OTOA: variants seen among roughly 807,000 people sequenced by gnomAD.
The protein encoded by OTOA is cancer/testis antigen 108.
In OTOA, 70 loss-of-function variants were observed where a neutral mutation model predicts 110.8. That is an observed-to-expected ratio of 0.63 (90% CI 0.52 to 0.77). The LOEUF is 0.77. Among genes scored for constraint, OTOA ranks in the 30% least tolerant of loss-of-function variants. OTOA has a pLI of 0.00. For missense variants in OTOA, 917 were observed against 1,075.8 expected, an observed-to-expected ratio of 0.85 and a Z score of 2.06; for synonymous variants, 373 against 431.5, an observed-to-expected ratio of 0.86 and a Z score of 1.68.
intron 20 of OTOA, chr16:21,730,557 T>C (rs1158767342): frequency 5.1e-6 from 2 of 394,812 alleles, no homozygotes; most frequent in African/African-American, 4.1e-5. Context: ...GTCTTTACTT[T>C]TTCCACTTGG....
chr16:21,699,055 A>T (rs192212493), intron 10 of OTOA, among the ~76,000 whole-genome samples: 3 of 152,196 alleles, frequency 2.0e-5, no homozygotes, highest in African/African-American at 7.2e-5. Context: ...GATTCAATTG[A>T]TTCTCCTGCC....
intron 22 of OTOA, among the ~76,000 whole-genome samples, chr16:21,739,013 TGC>T (rs1163335465): frequency 1.8e-4 from 28 of 152,396 alleles, no homozygotes; most frequent in Admixed American, 1.8e-3. Context: ...TCTTACTGTG[TGC>T]ATGTGGTACA....
chr16:21,707,653 CTT>C (rs1232278216), intron 12 of OTOA, among the ~76,000 whole-genome samples: 209 of 109,054 alleles, frequency 1.9e-3, no homozygotes, highest in Middle Eastern at 5.3e-3. Flanking sequence ...TTCTTTCTTT[CTT>C]TCTCTTTCTT....
At chr16:21,670,743 G>A (rs1444745933) in intron 1 of OTOA, among the ~76,000 whole-genome samples, 4 of 152,188 alleles carry the variant, frequency 2.6e-5, no homozygotes, top group Non-Finnish European at 2.9e-5. Flanking sequence ...TTATAGCTGT[G>A]CTTGGTGCTA....
intron 19 of OTOA, among the ~76,000 whole-genome samples, chr16:21,727,392 G>T (rs955119886): frequency 1.3e-5 from 2 of 152,134 alleles, no homozygotes; most frequent in African/African-American, 4.8e-5. Flanking sequence ...GATTGTCTGG[G>T]TGTGAATCCT....
chr16:21,705,824 A>G (rs1203929744), intron 12 of OTOA, among the ~76,000 whole-genome samples: 1 of 152,102 alleles, frequency 6.6e-6, no homozygotes, highest in Non-Finnish European at 1.5e-5. Context: ...CTGTAATCCC[A>G]GCTACTCAGG....
At chr16:21,673,781 TTTTG>T (rs530750642) in intron 1 of OTOA, among the ~76,000 whole-genome samples, 36 of 152,140 alleles carry the variant, frequency 2.4e-4, no homozygotes, top group East Asian at 1.5e-3. Flanking sequence ...TGTGTACAGG[TTTTG>T]TTTGTTTGTT....
At chr16:21,704,970 C>A in intron 11 of OTOA, 199 bp from the exon 12 acceptor site, 1 of 855,906 alleles carries the variant, frequency 1.2e-6, no homozygotes, top group Non-Finnish European at 2.0e-6. Context: ...AGCCCCCATT[C>A]CTTGGTCTCG....
intron 13 of OTOA, among the ~76,000 whole-genome samples, 173 bp from the exon 14 acceptor site, chr16:21,714,812 C>T (rs897928347): frequency 2.0e-5 from 3 of 152,112 alleles, no homozygotes; most frequent in African/African-American, 7.2e-5. Context: ...GCCTGGCCAA[C>T]TCTCTTTCTT....
Position 21,687,433 on chromosome 16 carries a change from C to T in OTOA, c.420C>T (p.Ile140=), listed in dbSNP as rs1567367875. ...TTTAGGACCTGAAAGACATCATCAT[C>T]GACTTAGGAGAGATTCGAGAACGAG... ...KDGLDLKDII[I]DLGEIRERAL... is the part of the protein sequence containing the mutation. The change falls in exon 8 of 29, where the codon ATC becomes ATT. Residue 140 remains isoleucine, a synonymous_variant. Transcript: ENST00000646100. 2.5e-6 allele frequency: 4 copies of T among 1,613,924 alleles called. No individual in the cohort carries two copies. The highest frequency in any genetic ancestry group is 2.2e-5 in the East Asian group (1 of 44,886).
chr16:21,706,657 G>A (rs1316539612), intron 12 of OTOA, among the ~76,000 whole-genome samples: 2 of 151,696 alleles, frequency 1.3e-5, no homozygotes, highest in African/African-American at 2.4e-5. Flanking sequence ...CACTTTTTGT[G>A]GCCCTTTTCA....
At chr16:21,759,685 G>C (rs1597874445) in intron 28 of OTOA, among the ~76,000 whole-genome samples, 1 of 152,034 alleles carries the variant, frequency 6.6e-6, no homozygotes, top group South Asian at 2.1e-4. Context: ...TGGATCACTT[G>C]GGGTTAGAAA....
chr16:21,734,769 A>G (rs552643824), intron 21 of OTOA, among the ~76,000 whole-genome samples: 2,473 of 152,116 alleles, frequency 0.016, 34 homozygotes, highest in Admixed American at 0.028. Flanking sequence ...CCCAGGGGGC[A>G]GAGCTTGCAG....
At chr16:21,726,192 A>G (rs1898909894) in intron 18 of OTOA, among the ~76,000 whole-genome samples, 1 of 152,154 alleles carries the variant, frequency 6.6e-6, no homozygotes, top group African/African-American at 2.4e-5. Flanking sequence ...GCTCTGGGGC[A>G]TAGAAGAGGA....
At chr16:21,760,414 A>G in intron 28 of OTOA, 56 bp from the exon 29 acceptor site, 3 of 1,318,338 alleles carry the variant, frequency 2.3e-6, no homozygotes, top group Non-Finnish European at 3.2e-6. Flanking sequence ...TCATGTGTCT[A>G]CCTTCTGCTT....
In OTOA at chr16:21,665,984, A is replaced by G. The variant is rs79556132; in HGVS notation, c.-5+1752A>G. Among the ~76,000 whole-genome samples the G allele has an allele frequency of 9.7e-3, 1,469 of 152,124 alleles. 48 individuals carry two copies. The highest frequency in any genetic ancestry group is 0.083 in the East Asian group (430 of 5,162). Reference sequence around the variant, plus strand: ...TAGCTAGGGCTACAAGCATGCACCCAGCTAATTTTTAAATTATTTGTAGAA... The same window carrying G: ...TAGCTAGGGCTACAAGCATGCACCCGGCTAATTTTTAAATTATTTGTAGAA... On this transcript the variant is annotated intron_variant, in intron 1 of 28. Coordinates refer to ENST00000646100, the MANE Select transcript of OTOA (RefSeq NM_144672.4).
chr16:21,751,812 G>A, intron 24 of OTOA, 123 bp from the exon 25 acceptor site: 1 of 282,764 alleles, frequency 3.5e-6, no homozygotes, highest in Non-Finnish European at 6.9e-6. Context: ...TTGGAGTGGG[G>A]ATTCCAGAGG....
chr16:21,760,694 A>G lies in OTOA; in HGVS notation c.*154A>G. ...CCTTGATGGTGAAAATGCACCCCAA[A>G]TGAAAAATAATTATTAAAAATGATC... On this transcript the variant is annotated 3_prime_UTR_variant, in exon 29 of 29. Transcript: ENST00000646100. The G allele has an allele frequency of 2.0e-6, 1 of 496,788 alleles. No homozygotes were observed. The allele number at this position is 496,788 out of a possible 1,614,324, so 30.8% of individuals were successfully genotyped here. A position where few individuals can be genotyped will look rare whatever the true frequency, so the allele number is the denominator to read the frequency against.
At chr16:21,732,672 TA>T (rs931756316) in intron 21 of OTOA, among the ~76,000 whole-genome samples, 18 of 151,364 alleles carry the variant, frequency 1.2e-4, no homozygotes, top group South Asian at 1.0e-3. Flanking sequence ...AGTGTAGAGT[TA>T]AAAAAAAACC....
Sources: allele counts gnomAD v4.1 joint callset (sites outside exome capture counted in the v4.1 genomes callset), GRCh38; gene constraint gnomAD v4.1.1; transcripts MANE v1.5; gene names NCBI Gene and HGNC (gene_info 2026-07-23, HGNC 2026-07-21).